The following TTN variants were observed in gnomAD, a reference collection of about 807,000 sequenced individuals.
TTN encodes the protein connectin.
A neutral mutation model predicts 3,223.0 loss-of-function variants in TTN; 1,525 were observed. The ratio of observed to expected loss-of-function variants is 0.47; its 90% confidence interval spans 0.45 to 0.49. The LOEUF is 0.49. Among genes scored for constraint, TTN ranks in the 20% least tolerant of loss-of-function variants. The pLI is 0.00. For synonymous variants in TTN, 14,094 were observed against 15,161.0 expected, an observed-to-expected ratio of 0.93 and a Z score of 5.17; for missense variants, 40,786 against 43,424.0, an observed-to-expected ratio of 0.94 and a Z score of 5.40.
intron 254 of TTN, 25 bp downstream of exon 254, chr2:178,617,300 T>A: frequency 6.5e-7 from 1 of 1,546,254 alleles, no homozygotes; most frequent in Non-Finnish European, 8.7e-7. Context: ...CATTGAATAT[T>A]CTTTTTTATA....
Position 178,588,194 on chromosome 2 carries a change from G to T in TTN, c.63213C>A (p.Phe21071Leu). 6.3e-7 allele frequency: 1 copy of T among 1,583,742 alleles called. No homozygotes were observed. The highest frequency in any genetic ancestry group is 2.3e-5 in the East Asian group (1 of 44,152). Residue 21071 changes from phenylalanine (F) to leucine (L), a missense_variant, in exon 305 of 363, where the codon TTC (phenylalanine) becomes TTA (leucine). By Grantham distance (22) the Phe-to-Leu change is conservative (BLOSUM62 0). Coordinates refer to ENST00000589042, the MANE Select transcript of TTN (RefSeq NM_001267550.2). ...AATGTTTGGTTGTATCAACCACTCTGAAATTGGTTGGTGGACCAGGTGGCT... is the reference window on the plus strand; with the variant it reads ...AATGTTTGGTTGTATCAACCACTCTTAAATTGGTTGGTGGACCAGGTGGCT... ...PIEPPGPPTN[F>L]RVVDTTKHSI...
rs760514144 is a variant in TTN at position 178,651,658 on chromosome 2, A to G, written c.39463+8T>C. On this transcript the variant is annotated splice_region_variant and intron_variant, in intron 206 of 362. Transcript: ENST00000589042. ...TTTTGTTAGGGAGTTAGTGGCAGTG[A>G]GGAATACCTTTCACTGGTGGTAGTT... is the stretch of plus-strand genomic sequence containing the variant. 1.2e-6 allele frequency: 2 copies of G among 1,613,224 alleles called. No homozygotes were observed. Among genetic ancestry groups the G allele is most frequent in the Non-Finnish European group, 1.7e-6 (2 of 1,179,524 alleles).
rs555418549 is a variant in TTN at position 178,527,022 on chromosome 2, C to G, written c.107966G>C (p.Arg35989Pro). 6.2e-7 allele frequency: 1 copy of G among 1,611,046 alleles called. No homozygotes were observed. The highest frequency in any genetic ancestry group is 1.3e-5 in the African/African-American group (1 of 74,838). ...SDSATVNIHIRSI is the reference protein window; with the variant it reads ...SDSATVNIHIPSI Reference sequence around the variant, plus strand: ...AGGGCACAGGCCCTCTTAAATGGATCGAATATGTATATTCACAGTGGCAGA... The same window carrying G: ...AGGGCACAGGCCCTCTTAAATGGATGGAATATGTATATTCACAGTGGCAGA... The change falls in exon 363 of 363, where the codon CGA (arginine) becomes CCA (proline). Residue 35989 changes from arginine to proline, a missense_variant. Physicochemically the swap from Arg to Pro is moderately radical, Grantham distance 103. Transcript: ENST00000589042.
At chr2:178,701,230 C>T in intron 110 of TTN, 27 bp from the exon 111 acceptor site, 1 of 1,585,624 alleles carries the variant, frequency 6.3e-7, no homozygotes. Context: ...CCGTTAGTAA[C>T]ATGTTTTAGT....
chr2:178,666,966 A>G lies in TTN; in HGVS notation c.35798-65T>C, dbSNP rs2562850. ...AAAGGCATAAAGACATGACATACTA[A>G]GAAAGTTAGATATGTTAATATCATT... On this transcript the variant is annotated intron_variant, in intron 162 of 362. Coordinates refer to ENST00000589042, the MANE Select transcript of TTN (RefSeq NM_001267550.2). 0.024 allele frequency: 27,383 copies of G among 1,160,470 alleles called. 502 individuals carry two copies. Among genetic ancestry groups the G allele is most frequent in the East Asian group, 0.089 (3,375 of 37,928 alleles). 71.9% of individuals were successfully genotyped at this position (1,160,470 alleles called of 1,614,324 possible). A position where few individuals can be genotyped will look rare whatever the true frequency, so the allele number is the denominator to read the frequency against.
rs140942979 is a variant in TTN at position 178,566,722 on chromosome 2, C to T, written c.79410G>A (p.Gly26470=). 169 of 1,613,366 alleles carry T rather than the reference C, an allele frequency of 1.0e-4. No individual in the cohort carries two copies. The African/African-American group carries it at 1.2e-3, about 12-fold the overall frequency. The change falls in exon 326 of 363, where the codon GGG becomes GGA. Residue 26470 remains glycine, a synonymous_variant. Coordinates refer to ENST00000589042, the MANE Select transcript of TTN (RefSeq NM_001267550.2). ...RVSAENAAGV[G]EPSPATVYYK... is the part of the protein sequence containing the mutation. Reference sequence around the variant, plus strand: ...AATAAACTGTAGCTGGACTTGGTTCCCCAACTCCAGCAGCATTTTCTGCAG... The same window carrying T: ...AATAAACTGTAGCTGGACTTGGTTCTCCAACTCCAGCAGCATTTTCTGCAG...
rs757799209 is a variant in TTN at position 178,727,638 on chromosome 2, T to C, written c.19940A>G (p.His6647Arg). ...GTCGCTACCAACATCATTGGTAACA[T>C]GGCAAGTATACTGTCCAGTCTTAGA... ...DASKTGQYTCHVTNDVGSDSC... is the reference protein window; with the variant it reads ...DASKTGQYTCRVTNDVGSDSC... The change falls in exon 68 of 363, where the codon CAT becomes CGT. Residue 6647 changes from histidine to arginine, a missense_variant. Coordinates refer to ENST00000589042, the MANE Select transcript of TTN (RefSeq NM_001267550.2). The C allele has an allele frequency of 2.5e-6, 4 of 1,601,730 alleles. No individual in the cohort carries two copies. The highest frequency in any genetic ancestry group is 2.2e-5 in the East Asian group (1 of 44,724).
In TTN at chr2:178,605,538, G is replaced by A. The variant is rs989282574; in HGVS notation, c.53757C>T (p.Thr17919=). 3.1e-6 allele frequency: 5 copies of A among 1,612,284 alleles called. No individual in the cohort carries two copies. The African/African-American group carries it at 5.3e-5, about 17-fold the overall frequency. The change falls in exon 279 of 363, where the codon ACC becomes ACT. Residue 17919 remains threonine, a synonymous_variant. Coordinates refer to ENST00000589042, the MANE Select transcript of TTN (RefSeq NM_001267550.2). ...FERVNKRLCP[T]TSFLVENLDE... The stretch of plus-strand genomic sequence containing the variant: ...CAAGATTTTCAACCAGAAAAGATGT[G>A]GTTGGGCAGAGTCGCTTGTTAACTC...
intron 2 of TTN, among the ~76,000 whole-genome samples, chr2:178,802,724 G>C (rs2094129603): frequency 6.6e-6 from 1 of 152,220 alleles, no homozygotes; most frequent in African/African-American, 2.4e-5. Flanking sequence ...TTGAAATAAA[G>C]AGTGATTGTT....
rs1553484229 is a variant in TTN, at chr2:178,530,686, C to T, written c.105929G>A (p.Ser35310Asn). 1 of 1,613,970 alleles carries T rather than the reference C, an allele frequency of 6.2e-7. No individual in the cohort carries two copies. The highest frequency in any genetic ancestry group is 8.5e-7 in the Non-Finnish European group (1 of 1,179,884). ...GGTGACCTCTTTTGCCCTTAATACA[C>T]TGCTTTCAACCACACAGGTCAGTTT... Reference protein sequence around the residue: ...IAKLTCVVESSVLRAKEVTWY... With the variant: ...IAKLTCVVESNVLRAKEVTWY... Residue 35310 changes from serine (S) to asparagine (N), a missense_variant, in exon 358 of 363, where the codon AGT (serine) becomes AAT (asparagine). By Grantham distance (46) the Ser-to-Asn change is conservative. Transcript: ENST00000589042.
chr2:178,665,668 C>G (rs543566924), intron 164 of TTN, 40 bp downstream of exon 164: 10 of 1,289,190 alleles, frequency 7.8e-6, no homozygotes, highest in Non-Finnish European at 1.0e-5. Flanking sequence ...ATGCTAAGCA[C>G]TCTAATAAAT....
chr2:178,745,043 T>C, intron 47 of TTN: 3 of 987,236 alleles, frequency 3.0e-6, no homozygotes, highest in Non-Finnish European at 3.6e-6. Context: ...TAGAGTTAGT[T>C]GCCAATTGGG....
In TTN at chr2:178,586,799, C is replaced by A. The variant is rs1462401348; in HGVS notation, c.64102G>T (p.Asp21368Tyr). The change falls in exon 308 of 363, where the codon GAT (aspartate) becomes TAT (tyrosine). Residue 21368 changes from aspartate to tyrosine, a missense_variant. Asp to Tyr is a radical substitution (Grantham distance 160, BLOSUM62 -3). Coordinates refer to ENST00000589042, the MANE Select transcript of TTN (RefSeq NM_001267550.2). Reference sequence around the variant, plus strand: ...GTCACTTCTAATTTCCTTGGGGGATCCGGCTCACCTAGAAGAAAAACATAA... The same window carrying A: ...GTCACTTCTAATTTCCTTGGGGGATACGGCTCACCTAGAAGAAAAACATAA... ...VLASDPLSEP[D>Y]PPRKLEVTEM... is the part of the protein sequence containing the mutation. The A allele has an allele frequency of 1.2e-6, 2 of 1,611,110 alleles. No individual in the cohort carries two copies. Among genetic ancestry groups the A allele is most frequent in the Admixed American group, 3.4e-5 (2 of 59,504 alleles).
chr2:178,688,976 A>G, intron 125 of TTN, 77 bp downstream of exon 125: 1 of 1,504,284 alleles, frequency 6.6e-7, no homozygotes, highest in Non-Finnish European at 9.2e-7. Context: ...ACCAGATGGA[A>G]AAAGCAAGAA....
chr2:178,689,002 GATTTTTTTT>G lies in TTN; in HGVS notation c.32095+42_32095+50del, dbSNP rs1430852302. On this transcript the variant is annotated intron_variant, in intron 125 of 362. Transcript: ENST00000589042. ...AAAGCAAGAATTTAACACACTCGAAGATTTTTTTTTTTTTTTTTTTTTTTTGTCAGAGGA... is the reference window on the plus strand; with the variant it reads ...AAAGCAAGAATTTAACACACTCGAAGTTTTTTTTTTTTTTTTGTCAGAGGA... 6.6e-6 allele frequency: 8 copies of G among 1,217,614 alleles called. No homozygotes were observed. In the African/African-American group the frequency reaches 1.4e-4, roughly 22 times the overall value. 75.4% of individuals were successfully genotyped at this position (1,217,614 alleles called of 1,614,324 possible). A position where few individuals can be genotyped will look rare whatever the true frequency, so the allele number is the denominator to read the frequency against.
Position 178,572,240 on chromosome 2 carries a change from T to A in TTN, c.73892A>T (p.Asn24631Ile). 1 of 1,613,430 alleles carries A rather than the reference T, an allele frequency of 6.2e-7. No homozygotes were observed. Among genetic ancestry groups the A allele is most frequent in the East Asian group, 2.2e-5 (1 of 44,734 alleles). ...TTTCTCCCAAGAGAGTGACACACTA[T>A]TTCTTGTGACATCCATCAAAGTTAT... ...GKITLMDVTRNSVSLSWEKPE... is the reference protein window; with the variant it reads ...GKITLMDVTRISVSLSWEKPE... Residue 24631 changes from asparagine (N) to isoleucine (I), a missense_variant, in exon 326 of 363, where the codon AAT becomes ATT. Transcript: ENST00000589042.
chr2:178,580,881 A>G (rs112768843), intron 316 of TTN: 112 of 357,440 alleles, frequency 3.1e-4, no homozygotes, highest in African/African-American at 2.2e-3. Flanking sequence ...GAAATGCTAC[A>G]TATATTAAAA....
chr2:178,629,472 G>C, intron 239 of TTN, 29 bp from the exon 240 acceptor site: 1 of 1,611,264 alleles, frequency 6.2e-7, no homozygotes, highest in African/African-American at 1.3e-5. Context: ...ACAGCTTTGC[G>C]TTACTCATTT....
In TTN at chr2:178,648,592, T is replaced by G. The variant is rs1459720445; in HGVS notation, c.40057+656A>C. Among the ~76,000 whole-genome samples the G allele has an allele frequency of 3.3e-5, 5 of 152,198 alleles. No homozygotes were observed. In the South Asian group the frequency reaches 1.0e-3, roughly 32 times the overall value. On this transcript the variant is annotated intron_variant, in intron 213 of 362. Transcript: ENST00000589042. ...CCCCAGCTAATTTTTGTATTTTTAGTAGAGACGGGGTTTCACCATGTTGGC... is the reference window on the plus strand; with the variant it reads ...CCCCAGCTAATTTTTGTATTTTTAGGAGAGACGGGGTTTCACCATGTTGGC...
Sources: gnomAD v4.1 joint callset for allele counts (sites outside exome capture counted in the v4.1 genomes callset) on GRCh38, gnomAD v4.1.1 for gene constraint, MANE v1.5 for transcripts, NCBI Gene and HGNC (gene_info 2026-07-23, HGNC 2026-07-21) for gene names.